The following SCN2A variants were observed in gnomAD, a reference collection of about 807,000 sequenced individuals.
SCN2A encodes the protein sodium channel protein type 2 subunit alpha.
In SCN2A, 20 loss-of-function variants were observed where a neutral mutation model predicts 188.7. The observed-to-expected ratio is 0.11, with a 90% CI of 0.07 to 0.15. The LOEUF is 0.15. Ranked by LOEUF, SCN2A falls within the 10% of genes least tolerant of loss-of-function variation. The probability of loss-of-function intolerance (pLI) is 1.00; values close to 1 mark genes in which losing one functional copy is unlikely to be tolerated. For missense variants in SCN2A, 1,278 were observed against 2,445.0 expected (o/e 0.52, Z 10.07); for synonymous variants, 804 against 833.1 (o/e 0.97, Z 0.60).
chr2:165,328,954 T>C (rs541104417), intron 13 of SCN2A, among the ~76,000 whole-genome samples: 2 of 149,398 alleles, frequency 1.3e-5, no homozygotes, highest in East Asian at 4.1e-4. Flanking sequence ...CAATATCACA[T>C]ACATGCATAC....
chr2:165,351,012 G>T (rs1180116287), intron 16 of SCN2A, among the ~76,000 whole-genome samples: 1 of 152,186 alleles, frequency 6.6e-6, no homozygotes, highest in Non-Finnish European at 1.5e-5. Context: ...AAAGCCACAT[G>T]AATTCTGTCA....
At chr2:165,375,417 A>G (rs1558875357) in intron 22 of SCN2A, among the ~76,000 whole-genome samples, 1 of 151,964 alleles carries the variant, frequency 6.6e-6, no homozygotes, top group East Asian at 1.9e-4. Context: ...GTATATATAT[A>G]CACACACGTA....
At chr2:165,294,037 A>AT (rs2106145730) in intron 1 of SCN2A, 3 of 863,722 alleles carry the variant, frequency 3.5e-6, no homozygotes, top group Non-Finnish European at 4.1e-6. Flanking sequence ...AAAAAAAAAA[A>AT]AGATTTTTTT....
chr2:165,336,795 AC>A lies in SCN2A; in HGVS notation c.2388+5232del, dbSNP rs529578511. On this transcript the variant is annotated intron_variant, in intron 14 of 26. Transcript: ENST00000375437. ...TGTTCAAGTTGATTCCAGATACTTT[AC>A]CCCCATGTTGCAGTAAATGTTCTTG... is the stretch of plus-strand genomic sequence containing the variant. 1.2e-3 allele frequency among the ~76,000 whole-genome samples: 190 copies of A among 152,092 alleles called. 1 individual carries two copies. The highest frequency in any genetic ancestry group is 6.2e-3 in the South Asian group (30 of 4,826).
At chr2:165,245,979 A>T (rs977298589) in intron 1 of SCN2A, among the ~76,000 whole-genome samples, 2 of 152,206 alleles carry the variant, frequency 1.3e-5, no homozygotes, top group Non-Finnish European at 2.9e-5. Context: ...TTGAATCCTT[A>T]GTTATATCAC....
chr2:165,273,009 A>C lies in SCN2A; in HGVS notation c.-51-22764A>C, dbSNP rs117895872. ...GAGAATTATAGGAATTATGGTCACA[A>C]TCAGCCAGTGTTTTAACTCTACTGC... On this transcript the variant is annotated intron_variant, in intron 1 of 26. Transcript: ENST00000375437. 15 of 152,240 alleles carry C rather than the reference A, an allele frequency of 9.9e-5. No homozygotes were observed. The East Asian group carries it at 2.7e-3, about 27-fold the overall frequency. 9.4% of individuals were successfully genotyped at this position (152,240 alleles called of 1,614,324 possible).
chr2:165,276,676 C>T (rs1485196680), intron 1 of SCN2A, among the ~76,000 whole-genome samples: 3 of 152,088 alleles, frequency 2.0e-5, no homozygotes, highest in Non-Finnish European at 4.4e-5. Context: ...GGTTAGGCCC[C>T]ATTATTAATT....
intron 1 of SCN2A, among the ~76,000 whole-genome samples, chr2:165,265,965 T>A (rs886540000): frequency 1.6e-4 from 24 of 151,704 alleles, no homozygotes; most frequent in Admixed American, 7.2e-4. Flanking sequence ...GGACCATAGG[T>A]ATGTGCCACC....
intron 25 of SCN2A, among the ~76,000 whole-genome samples, chr2:165,385,234 A>G (rs1701809167): frequency 6.6e-6 from 1 of 152,176 alleles, no homozygotes; most frequent in Non-Finnish European, 1.5e-5. Context: ...TGGGAAAGCA[A>G]GCCATTAGGT....
chr2:165,363,770 T>A (rs1529668), intron 17 of SCN2A, among the ~76,000 whole-genome samples: 10,139 of 152,142 alleles, frequency 0.067, 422 homozygotes, highest in East Asian at 0.19. Context: ...AAGCACCTTA[T>A]AATATATAAT....
chr2:165,391,117 T>G lies in SCN2A; in HGVS notation c.*1293T>G, dbSNP rs1176070225. On this transcript the variant is annotated 3_prime_UTR_variant, in exon 27 of 27. Transcript: ENST00000375437. ...TTATCTTGCCTATGCTGCTGTATCT[T>G]ATTCCTTCCACTGTTCAGAAGTCTA... is the stretch of plus-strand genomic sequence containing the variant. The G allele has an allele frequency of 6.6e-6, 1 of 152,548 alleles. No individual in the cohort carries two copies. Among genetic ancestry groups the G allele is most frequent in the Non-Finnish European group, 1.5e-5 (1 of 67,994 alleles). 9.4% of individuals were successfully genotyped at this position (152,548 alleles called of 1,614,324 possible).
At chr2:165,329,001 T>A (rs1010858331) in intron 13 of SCN2A, among the ~76,000 whole-genome samples, 66 of 150,398 alleles carry the variant, frequency 4.4e-4, no homozygotes, top group Non-Finnish European at 1.5e-5. Context: ...TTTTTTTTTT[T>A]TTTTTTTTGG....
At chr2:165,269,167 A>G (rs888422398) in intron 1 of SCN2A, 1 of 152,112 alleles carries the variant, frequency 6.6e-6, no homozygotes. Flanking sequence ...CCACCAAAAT[A>G]TAAATATCTG....
intron 1 of SCN2A, among the ~76,000 whole-genome samples, chr2:165,241,516 T>C (rs567815729): frequency 2.0e-5 from 3 of 152,360 alleles, no homozygotes; most frequent in Non-Finnish European, 2.9e-5. Flanking sequence ...ACCCTACTTC[T>C]TCAATATCTT....
chr2:165,291,035 C>T (rs1331827023), intron 1 of SCN2A, among the ~76,000 whole-genome samples: 8 of 79,944 alleles, frequency 1.0e-4, no homozygotes, highest in Admixed American at 1.9e-4. Flanking sequence ...TCTTTTCTTT[C>T]TTTTTTTTTT....
chr2:165,323,795 G>A lies in SCN2A; in HGVS notation c.2016+295G>A, dbSNP rs556079967. On this transcript the variant is annotated intron_variant, in intron 12 of 26. Transcript: ENST00000375437. ...CAACAATTTATCAAGCATAATGTTT[G>A]ATTAATATAGTTAAATTAAATCCAA... Among the ~76,000 whole-genome samples, 3 of 152,262 alleles carry A rather than the reference G, an allele frequency of 2.0e-5. No homozygotes were observed. In the South Asian group the frequency reaches 6.2e-4, roughly 32 times the overall value.
intron 1 of SCN2A, among the ~76,000 whole-genome samples, chr2:165,292,249 C>A (rs1696252793): frequency 6.6e-6 from 1 of 152,168 alleles, no homozygotes; most frequent in Non-Finnish European, 1.5e-5. Context: ...CAAAAGTTAT[C>A]TGCTAAAGTG....
At chr2:165,350,476 T>C (rs1699837309) in intron 16 of SCN2A, among the ~76,000 whole-genome samples, 1 of 108,112 alleles carries the variant, frequency 9.2e-6, no homozygotes, top group African/African-American at 3.5e-5. Context: ...TTTTTTTTTT[T>C]TTTTTTTTTT....
Position 165,354,658 on chromosome 2 carries a change from A to G in SCN2A, c.3386A>G (p.Glu1129Gly), listed in dbSNP as rs1423695098. Residue 1129 changes from glutamate to glycine, a missense_variant, in exon 17 of 27, where the codon GAG becomes GGG. Around this residue, in one of 17 missense-constraint regions of SCN2A, gnomAD observed 228 missense variants for 297.3 expected, o/e 0.77. Transcript: ENST00000375437. Reference protein sequence around the residue: ...TEEFSSESDMEESKEKLNATS... With the variant: ...TEEFSSESDMGESKEKLNATS... The stretch of plus-strand genomic sequence containing the variant: ...GAATTCAGCAGCGAGTCAGATATGG[A>G]GGAAAGCAAAGAGGTAAAAATGTTT... 1 of 1,613,550 alleles carries G rather than the reference A, an allele frequency of 6.2e-7. No individual in the cohort carries two copies. Among genetic ancestry groups the G allele is most frequent in the South Asian group, 1.1e-5 (1 of 91,076 alleles).
Sources: allele counts gnomAD v4.1 joint callset (sites outside exome capture counted in the v4.1 genomes callset), GRCh38; gene constraint gnomAD v4.1.1; regional missense constraint gnomAD v4.1.1; transcripts MANE v1.5; gene names NCBI Gene and HGNC (gene_info 2026-07-23, HGNC 2026-07-21).